Variants in OR51B5 observed in about 807,000 individuals in gnomAD.
OR51B5 encodes olfactory receptor family 51 subfamily B member 5.
For missense variants in OR51B5, 456 were observed against 374.6 expected (o/e 1.22, Z -1.79); for synonymous variants, 186 against 144.8 (o/e 1.28, Z -2.04).
At chr11:5,360,130 C>T (rs1332023706) in intron 1 of OR51B5, among the ~76,000 whole-genome samples, 1 of 151,472 alleles carries the variant, frequency 6.6e-6, no homozygotes, top group Non-Finnish European at 1.5e-5. Context: ...CAACAAAAGC[C>T]AAAATGGACA....
intron 1 of OR51B5, among the ~76,000 whole-genome samples, chr11:5,451,538 C>T (rs6578646): frequency 0.47 from 71,083 of 151,900 alleles, 16,887 homozygotes; most frequent in Non-Finnish European, 0.5. Flanking sequence ...ATATTCAGTA[C>T]AACACGGAGG....
intron 1 of OR51B5, chr11:5,393,258 T>A (rs1454280767): frequency 1.3e-5 from 2 of 152,178 alleles, no homozygotes; most frequent in Non-Finnish European, 2.9e-5. Context: ...TGTTCATAAT[T>A]TTAAGAATGT....
intron 1 of OR51B5, among the ~76,000 whole-genome samples, chr11:5,457,101 C>A (rs2736576): frequency 0.55 from 84,205 of 152,010 alleles, 25,525 homozygotes; most frequent in Non-Finnish European, 0.67. Context: ...CATAGTACCC[C>A]AAAGGTAGTT....
chr11:5,403,549 C>G (rs1281971876), intron 1 of OR51B5: 2 of 466,944 alleles, frequency 4.3e-6, no homozygotes, highest in South Asian at 1.6e-5. Context: ...AGAGTGTAGC[C>G]AAAAACCATA....
rs201152025 is a variant in OR51B5, at chr11:5,389,820, C to T, written n.85-42910G>A. 1.3e-4 allele frequency: 211 copies of T among 1,613,918 alleles called. 4 individuals are homozygous for T. The South Asian group carries it at 2.1e-3, about 16-fold the overall frequency. On this transcript the variant is annotated intron_variant and non_coding_transcript_variant, in intron 1 of 4. Coordinates refer to the OR51B5 transcript ENST00000415970. Reference sequence around the variant, plus strand: ...GACCGCCTTGTGGCCATCTGCCACCCTCTGAGGTATTCGGTCATTATCACT... The same window carrying T: ...GACCGCCTTGTGGCCATCTGCCACCTTCTGAGGTATTCGGTCATTATCACT...
At chr11:5,373,724 T>C (rs1383794774) in intron 1 of OR51B5, among the ~76,000 whole-genome samples, 2 of 152,188 alleles carry the variant, frequency 1.3e-5, no homozygotes, top group Non-Finnish European at 2.9e-5. Context: ...GTCTCCCTGA[T>C]TGCTAGCACA....
rs1850887238 is a variant in OR51B5, at chr11:5,453,397, C to T, written n.84+52172G>A. ...TCAACATCATCGCTTTGTCTCTTAT[C>T]TCCTGATTTCTTGTCCTCCAGCAAG... On this transcript the variant is annotated intron_variant and non_coding_transcript_variant, in intron 1 of 4. Coordinates refer to the OR51B5 transcript ENST00000415970. 3.5e-6 allele frequency: 3 copies of T among 868,950 alleles called. No homozygotes were observed. In the South Asian group the frequency reaches 6.3e-5, roughly 18 times the overall value. The allele number at this position is 868,950 out of a possible 1,614,324, so 53.8% of individuals were successfully genotyped here.
intron 1 of OR51B5, among the ~76,000 whole-genome samples, chr11:5,483,183 A>G (rs918051364): frequency 1.5e-4 from 23 of 150,402 alleles, no homozygotes; most frequent in African/African-American, 4.9e-4. Context: ...AGCCATAAAA[A>G]ATGATGAGTT....
intron 1 of OR51B5, among the ~76,000 whole-genome samples, chr11:5,369,612 A>T (rs1015206057): frequency 2.6e-5 from 4 of 152,178 alleles, no homozygotes; most frequent in Non-Finnish European, 5.9e-5. Context: ...TATTAAATAT[A>T]AAGTAAAGAC....
chr11:5,350,134 A>T (rs1479059528), intron 1 of OR51B5, among the ~76,000 whole-genome samples: 1 of 152,204 alleles, frequency 6.6e-6, no homozygotes, highest in African/African-American at 2.4e-5. Flanking sequence ...AAATAAAAAA[A>T]TTATCCACTC....
At chr11:5,433,242 G>A (rs11037433) in intron 1 of OR51B5, among the ~76,000 whole-genome samples, 62,630 of 151,930 alleles carry the variant, frequency 0.41, 14,704 homozygotes, top group Non-Finnish European at 0.53. Context: ...GTGGCCATGA[G>A]ATCAGAGAGA....
At chr11:5,476,708 T>C (rs1165499929) in intron 1 of OR51B5, among the ~76,000 whole-genome samples, 2 of 152,240 alleles carry the variant, frequency 1.3e-5, no homozygotes, top group Non-Finnish European at 2.9e-5. Flanking sequence ...GTGAGTTTCA[T>C]CTTCTGTTCT....
intron 1 of OR51B5, chr11:5,403,604 C>G: frequency 2.3e-6 from 1 of 434,524 alleles, no homozygotes; most frequent in Non-Finnish European, 4.8e-6. Flanking sequence ...TCTATAATAA[C>G]AGGTGGCCCT....
intron 1 of OR51B5, among the ~76,000 whole-genome samples, chr11:5,353,850 A>C (rs1010603535): frequency 1.3e-5 from 2 of 152,220 alleles, no homozygotes; most frequent in African/African-American, 4.8e-5. Flanking sequence ...CTTGGGATGT[A>C]TAAATAACAC....
chr11:5,353,961 T>C (rs1284698842), intron 1 of OR51B5, among the ~76,000 whole-genome samples: 1 of 83,540 alleles, frequency 1.2e-5, no homozygotes, highest in Non-Finnish European at 2.8e-5. Context: ...TTACTCAACT[T>C]GGCTGTGTGT....
At chr11:5,453,766 C>T (rs1351852510) in intron 1 of OR51B5, 1 of 1,614,212 alleles carries the variant, frequency 6.2e-7, no homozygotes, top group Non-Finnish European at 8.5e-7. Flanking sequence ...CGCAACATCA[C>T]TTTTGATGCC....
chr11:5,441,486 T>C, intron 1 of OR51B5: 1 of 1,612,550 alleles, frequency 6.2e-7, no homozygotes, highest in Non-Finnish European at 8.5e-7. Context: ...TGTTGCTGGC[T>C]GGAAGGGGGT....
intron 1 of OR51B5, among the ~76,000 whole-genome samples, chr11:5,379,636 GTGTTT>G (rs1849580434): frequency 6.7e-6 from 1 of 150,172 alleles, no homozygotes. Flanking sequence ...GCATTTAGTT[GTGTTT>G]TATTTTTTAA....
chr11:5,386,018 A>T (rs115570484), intron 1 of OR51B5, among the ~76,000 whole-genome samples: 2,332 of 151,678 alleles, frequency 0.015, 46 homozygotes, highest in African/African-American at 0.05. Context: ...CCTTAATAGT[A>T]CATTACAGGT....
Sources: gnomAD v4.1 joint callset for allele counts (sites outside exome capture counted in the v4.1 genomes callset) on GRCh38, gnomAD v4.1.1 for gene constraint, MANE v1.5 for transcripts, NCBI Gene and HGNC (gene_info 2026-07-23, HGNC 2026-07-21) for gene names.